GOLIM4: variants seen among roughly 807,000 people sequenced by gnomAD.
GOLIM4 encodes the protein 130 kDa golgi-localized phosphoprotein.
Under a neutral mutation model 107.4 loss-of-function variants are expected in GOLIM4, and 71 were observed. The ratio of observed to expected loss-of-function variants is 0.66; its 90% CI spans 0.55 to 0.81. The LOEUF (loss-of-function observed/expected upper bound fraction) is 0.81. GOLIM4 is among the 30% of genes least tolerant of loss of function. The pLI, the probability that GOLIM4 is intolerant of heterozygous loss-of-function variation, is 0.00. For synonymous variants in GOLIM4, 327 were observed against 294.8 expected, an observed-to-expected ratio of 1.11 and a Z score of -1.12; for missense variants, 830 against 826.1, an observed-to-expected ratio of 1.00 and a Z score of -0.06.
chr3:168,014,995 T>A lies in GOLIM4; in HGVS notation c.1861-4172A>T, dbSNP rs1343617687. Among the ~76,000 whole-genome samples, 4 of 150,296 alleles carry A rather than the reference T, an allele frequency of 2.7e-5. No individual in the cohort carries two copies. The East Asian group carries it at 7.7e-4, about 29-fold the overall frequency. On this transcript the variant is annotated intron_variant, in intron 14 of 15. Transcript: ENST00000470487. ...AAACTGGCACAAGACAGGGATGCCC[T>A]CTCTCACCACTCCTATTCAACATAG...
chr3:168,067,385 C>CA (rs991405176), intron 1 of GOLIM4, among the ~76,000 whole-genome samples: 15 of 151,482 alleles, frequency 9.9e-5, no homozygotes, highest in Admixed American at 6.6e-4. Flanking sequence ...TGTAGGCAAA[C>CA]AAAAAATAGA....
intron 1 of GOLIM4, among the ~76,000 whole-genome samples, chr3:168,062,538 C>T (rs193269416): frequency 2.6e-5 from 4 of 152,154 alleles, no homozygotes. Flanking sequence ...TTGTCAGGTG[C>T]CCTCCATAAT....
chr3:168,074,529 C>T (rs1443727953), intron 1 of GOLIM4, among the ~76,000 whole-genome samples: 1 of 152,124 alleles, frequency 6.6e-6, no homozygotes, highest in Non-Finnish European at 1.5e-5. Context: ...CACATCACAG[C>T]AATCTTGTTA....
chr3:168,092,714 T>C (rs975560750), intron 1 of GOLIM4, among the ~76,000 whole-genome samples: 2 of 152,190 alleles, frequency 1.3e-5, no homozygotes, highest in Admixed American at 6.5e-5. Flanking sequence ...TACACAGTGC[T>C]GTTGAGTAAA....
Position 168,048,364 on chromosome 3 carries a change from A to C in GOLIM4, c.189T>G (p.Val63=). The change falls in exon 2 of 16, where the codon GTT becomes GTG. Residue 63 remains valine, a splice_region_variant and synonymous_variant. Transcript: ENST00000470487. ...HQESLSAQLQ[V]VYEHRSRLEK... is the part of the protein sequence containing the mutation. ...CTAATCTTGATCTGTGTTCATATAC[A>C]ACTGGAAAAAAAGTTAACATTTTTG... is the stretch of plus-strand genomic sequence containing the variant. 2 of 1,448,490 alleles carry C rather than the reference A, an allele frequency of 1.4e-6. No homozygotes were observed. The highest frequency in any genetic ancestry group is 4.1e-5 in the Admixed American group (2 of 48,832). 89.7% of individuals were successfully genotyped at this position (1,448,490 alleles called of 1,614,324 possible). A position where few individuals can be genotyped will look rare whatever the true frequency, so the allele number is the denominator to read the frequency against.
chr3:168,044,339 C>T (rs1216276622), intron 4 of GOLIM4, among the ~76,000 whole-genome samples: 2 of 152,158 alleles, frequency 1.3e-5, no homozygotes, highest in Non-Finnish European at 2.9e-5. Context: ...TGATCCTCTT[C>T]CTGACACAGA....
At chr3:168,013,934 G>A (rs1434688613) in intron 14 of GOLIM4, among the ~76,000 whole-genome samples, 1 of 150,846 alleles carries the variant, frequency 6.6e-6, no homozygotes, top group Non-Finnish European at 1.5e-5. Flanking sequence ...ACAAGAGAAA[G>A]CAGGAAAGAT....
intron 1 of GOLIM4, among the ~76,000 whole-genome samples, chr3:168,077,355 T>C (rs114924701): frequency 0.013 from 1,933 of 152,292 alleles, 34 homozygotes; most frequent in African/African-American, 0.044. Context: ...TGTTAACACT[T>C]GCCCTTTTGT....
At chr3:168,078,079 C>T (rs1008191753) in intron 1 of GOLIM4, among the ~76,000 whole-genome samples, 2 of 151,932 alleles carry the variant, frequency 1.3e-5, no homozygotes, top group Non-Finnish European at 1.5e-5. Context: ...TAAAAAATGT[C>T]ACTAGGTACA....
intron 1 of GOLIM4, among the ~76,000 whole-genome samples, chr3:168,092,362 G>A (rs943562901): frequency 6.6e-6 from 1 of 152,066 alleles, no homozygotes; most frequent in East Asian, 1.9e-4. Flanking sequence ...CCTAGTCTCT[G>A]ACCTTTCTGC....
chr3:168,044,677 T>C, intron 4 of GOLIM4, 151 bp downstream of exon 4: 1 of 588,880 alleles, frequency 1.7e-6, no homozygotes, highest in Non-Finnish European at 3.0e-6. Flanking sequence ...CAACTATATA[T>C]AATTTTTAGC....
rs1335278610 is a variant in GOLIM4 at position 168,037,000 on chromosome 3, T to C, written c.685-6A>G. 4.9e-6 allele frequency: 7 copies of C among 1,424,714 alleles called. No individual in the cohort carries two copies. Among genetic ancestry groups the C allele is most frequent in the Non-Finnish European group, 5.8e-6 (6 of 1,040,150 alleles). The allele number at this position is 1,424,714 out of a possible 1,614,324, so 88.3% of individuals were successfully genotyped here. A position where few individuals can be genotyped will look rare whatever the true frequency, so the allele number is the denominator to read the frequency against. ...TTATATTCTGCAACTTGAGTCTGCA[T>C]ATAAATTGCACAATTTGAGGAGGGA... On this transcript the variant is annotated splice_polypyrimidine_tract_variant and splice_region_variant and intron_variant, in intron 7 of 15. Transcript: ENST00000470487.
At chr3:168,010,947 C>A in intron 14 of GOLIM4, 124 bp from the exon 15 acceptor site, 2 of 728,182 alleles carry the variant, frequency 2.7e-6, no homozygotes, top group South Asian at 1.6e-5. Context: ...AAAGTTCACT[C>A]AAAATAGCAG....
Position 168,032,832 on chromosome 3 carries a change from C to T in GOLIM4, c.864G>A (p.Val288=), listed in dbSNP as rs766244759. 5.0e-6 allele frequency: 8 copies of T among 1,611,972 alleles called. No individual in the cohort carries two copies. The highest frequency in any genetic ancestry group is 1.1e-5 in the South Asian group (1 of 91,048). The change falls in exon 9 of 16, where the codon GTG becomes GTA. Residue 288 remains valine (V), a synonymous_variant. Transcript: ENST00000470487. ...EVQEVSRNND[V]WQNHEAVPGR... ...CAGGAACTGCTTCATGGTTCTGCCA[C>T]ACATCATTATTTCGAGACACCTAGG...
In GOLIM4 at chr3:168,029,671, A is replaced by C. The variant is rs1718196466; in HGVS notation, c.1433+109T>G. 2.4e-6 allele frequency: 3 copies of C among 1,252,436 alleles called. No homozygotes were observed. The East Asian group carries it at 7.0e-5, about 29-fold the overall frequency. 77.6% of individuals were successfully genotyped at this position (1,252,436 alleles called of 1,614,324 possible). ...CTGTCCTGCCTTGGCTATTTGAGCAATATGAGCCCCTTAACTTCATGAATC... is the reference window on the plus strand; with the variant it reads ...CTGTCCTGCCTTGGCTATTTGAGCACTATGAGCCCCTTAACTTCATGAATC... On this transcript the variant is annotated intron_variant, in intron 10 of 15. Coordinates refer to ENST00000470487, the MANE Select transcript of GOLIM4 (RefSeq NM_014498.5).
chr3:168,017,358 G>A (rs1242302130), intron 14 of GOLIM4, among the ~76,000 whole-genome samples: 3 of 152,046 alleles, frequency 2.0e-5, no homozygotes, highest in African/African-American at 4.8e-5. Context: ...GGGCCTAGTG[G>A]TGCACGCCTG....
At position 168,058,028 on chromosome 3, in the gene GOLIM4, T is replaced by C. The variant is rs115310525; in HGVS notation, c.188-9663A>G. On this transcript the variant is annotated intron_variant, in intron 1 of 15. Transcript: ENST00000470487. ...GAGATTAAATTTATATGTTGGTGTG[T>C]AGGCTCACACTATTAGCATTAGTTA... 1.6e-3 allele frequency among the ~76,000 whole-genome samples: 245 copies of C among 152,336 alleles called. 2 individuals are homozygous for C. The highest frequency in any genetic ancestry group is 5.6e-3 in the African/African-American group (231 of 41,576).
In GOLIM4 at chr3:168,015,283, A is replaced by G. The variant is rs577903635; in HGVS notation, c.1861-4460T>C. Reference sequence around the variant, plus strand: ...AGAGCCAAATCATGAGTGAACTCCCATTCACAATTGCTTCAAAGAGAATAA... The same window carrying G: ...AGAGCCAAATCATGAGTGAACTCCCGTTCACAATTGCTTCAAAGAGAATAA... On this transcript the variant is annotated intron_variant, in intron 14 of 15. Transcript: ENST00000470487. 8.3e-5 allele frequency among the ~76,000 whole-genome samples: 12 copies of G among 145,268 alleles called. No individual in the cohort carries two copies. The South Asian group carries it at 2.3e-3, about 28-fold the overall frequency.
intron 7 of GOLIM4, 71 bp downstream of exon 7, chr3:168,040,715 C>T (rs765920366): frequency 3.3e-5 from 31 of 933,382 alleles, no homozygotes; most frequent in African/African-American, 4.9e-5. Context: ...TAAGAGACTA[C>T]ATGCATAAAG....
Sources: gnomAD v4.1 joint callset for allele counts (sites outside exome capture counted in the v4.1 genomes callset) on GRCh38, gnomAD v4.1.1 for gene constraint, MANE v1.5 for transcripts, NCBI Gene and HGNC (gene_info 2026-07-23, HGNC 2026-07-21) for gene names.